AGMO: variants seen among roughly 807,000 people sequenced by gnomAD.
AGMO encodes the protein alkylglycerol monooxygenase.
AGMO carries 75 observed loss-of-function variants against 60.2 expected under a neutral mutation model. The observed-to-expected ratio is 1.25, with a 90% CI of 1.03 to 1.51. The LOEUF is 1.51. AGMO is among the 40% of genes most tolerant of loss of function. AGMO has a pLI of 0.00. For synonymous variants in AGMO, 261 were observed against 177.1 expected, an observed-to-expected ratio of 1.47 and a Z score of -3.76; for missense variants, 763 against 525.5, an observed-to-expected ratio of 1.45 and a Z score of -4.42.
intron 12 of AGMO, among the ~76,000 whole-genome samples, chr7:15,341,011 C>T (rs1781829519): frequency 6.6e-6 from 1 of 152,146 alleles, no homozygotes; most frequent in African/African-American, 2.4e-5. Flanking sequence ...AGGGGTGGAG[C>T]TGCCCAAGAC....
chr7:15,295,412 A>T (rs1784381877), intron 12 of AGMO, among the ~76,000 whole-genome samples: 1 of 152,108 alleles, frequency 6.6e-6, no homozygotes, highest in South Asian at 2.1e-4. Flanking sequence ...ACAGATTGAC[A>T]TTAAACAAGA....
At chr7:15,358,968 C>T (rs1005425597) in intron 12 of AGMO, among the ~76,000 whole-genome samples, 2 of 152,050 alleles carry the variant, frequency 1.3e-5, no homozygotes, top group African/African-American at 2.4e-5. Context: ...CTGGATGATC[C>T]TATTCAATGC....
intron 12 of AGMO, among the ~76,000 whole-genome samples, chr7:15,363,316 AT>A (rs1782836906): frequency 6.6e-6 from 1 of 152,168 alleles, no homozygotes; most frequent in African/African-American, 2.4e-5. Flanking sequence ...ATTTCAAATG[AT>A]CCTTAAGTTC....
chr7:15,387,543 A>G lies in AGMO; in HGVS notation c.823-3T>C. ...CATATGGAAAATAAGTGATGGAACT[A>G]GAAACAATAAAAAAAGAGCTTATTT... On this transcript the variant is annotated splice_polypyrimidine_tract_variant and splice_region_variant and intron_variant, in intron 8 of 12. Coordinates refer to ENST00000342526, the MANE Select transcript of AGMO (RefSeq NM_001004320.2). 2 of 1,589,798 alleles carry G rather than the reference A, an allele frequency of 1.3e-6. No individual in the cohort carries two copies. The highest frequency in any genetic ancestry group is 1.7e-6 in the Non-Finnish European group (2 of 1,174,756).
chr7:15,492,900 C>T (rs1448108427), intron 3 of AGMO, among the ~76,000 whole-genome samples: 1 of 152,132 alleles, frequency 6.6e-6, no homozygotes, highest in Non-Finnish European at 1.5e-5. Flanking sequence ...TCTCCTACAT[C>T]TTCAAGGAAG....
intron 12 of AGMO, among the ~76,000 whole-genome samples, chr7:15,285,084 T>G (rs1440832941): frequency 6.6e-6 from 1 of 151,044 alleles, no homozygotes; most frequent in South Asian, 2.1e-4. Context: ...TACCTCAAAA[T>G]AATAAAAGCC....
At chr7:15,544,288 G>A (rs963365479) in intron 3 of AGMO, among the ~76,000 whole-genome samples, 4 of 151,942 alleles carry the variant, frequency 2.6e-5, no homozygotes, top group East Asian at 1.9e-4. Flanking sequence ...CGGGTGATAG[G>A]TGCACCACAG....
intron 12 of AGMO, among the ~76,000 whole-genome samples, chr7:15,324,827 G>A (rs1781287713): frequency 6.6e-6 from 1 of 152,016 alleles, no homozygotes; most frequent in South Asian, 2.1e-4. Context: ...TGTCACCACT[G>A]ATCTGACAGG....
intron 12 of AGMO, among the ~76,000 whole-genome samples, chr7:15,229,391 GATAAA>G (rs1244975450): frequency 1.3e-5 from 2 of 151,070 alleles, no homozygotes; most frequent in South Asian, 2.1e-4. Context: ...ACAAAAATAA[GATAAA>G]ATAAAATAAA....
intron 10 of AGMO, among the ~76,000 whole-genome samples, chr7:15,373,344 A>G (rs77990396): frequency 0.092 from 13,932 of 152,092 alleles, 693 homozygotes; most frequent in Non-Finnish European, 0.12. Context: ...GATGGTTTAC[A>G]TTTGCAGCCC....
chr7:15,173,788 A>G, the AGMO span, among the ~76,000 whole-genome samples: 1 of 151,662 alleles, frequency 6.6e-6, no homozygotes, highest in African/African-American at 2.4e-5. Context: ...TTGAAAATTT[A>G]GTTTAAAGAA....
At chr7:15,295,298 T>C (rs955391474) in intron 12 of AGMO, among the ~76,000 whole-genome samples, 25 of 152,052 alleles carry the variant, frequency 1.6e-4, no homozygotes, top group African/African-American at 5.5e-4. Flanking sequence ...TATTTATTTC[T>C]TCAAAAAAAT....
intron 12 of AGMO, among the ~76,000 whole-genome samples, chr7:15,322,511 TATATAA>T (rs1781152519): frequency 1.2e-5 from 1 of 86,564 alleles, no homozygotes; most frequent in East Asian, 2.9e-4. Flanking sequence ...TATAAATATA[TATATAA>T]ATATATATAA....
chr7:15,276,673 T>C (rs1335330733), intron 12 of AGMO, among the ~76,000 whole-genome samples: 2 of 152,172 alleles, frequency 1.3e-5, no homozygotes, highest in East Asian at 3.8e-4. Context: ...GAAATGCTTA[T>C]AAGACATAGT....
intron 12 of AGMO, among the ~76,000 whole-genome samples, chr7:15,250,677 C>T (rs376272098): frequency 3.9e-4 from 59 of 152,166 alleles, no homozygotes; most frequent in African/African-American, 1.4e-3. Flanking sequence ...CCATGGCTCA[C>T]GCCTGTAATC....
chr7:15,139,635 T>C, the AGMO span, among the ~76,000 whole-genome samples: 3 of 151,938 alleles, frequency 2.0e-5, no homozygotes, highest in Non-Finnish European at 2.9e-5. Context: ...TTTTTTCTCC[T>C]GATGGCCAGG....
chr7:15,337,781 G>A (rs1781710088), intron 12 of AGMO, among the ~76,000 whole-genome samples: 1 of 152,204 alleles, frequency 6.6e-6, no homozygotes, highest in African/African-American at 2.4e-5. Context: ...AGTCTCACCA[G>A]CTGTTTCTTA....
chr7:15,412,301 G>A (rs527899381), intron 5 of AGMO, among the ~76,000 whole-genome samples: 10 of 152,102 alleles, frequency 6.6e-5, no homozygotes, highest in African/African-American at 2.4e-4. Context: ...ATAGAGTGTT[G>A]CTGAGAAGAA....
intron 3 of AGMO, among the ~76,000 whole-genome samples, chr7:15,460,104 C>CT (rs1411128903): frequency 6.5e-5 from 6 of 91,918 alleles, no homozygotes; most frequent in South Asian, 3.3e-4. Context: ...ACCCAATTTC[C>CT]CCTTTTTTTT....
Sources: gnomAD v4.1 joint callset for allele counts (sites outside exome capture counted in the v4.1 genomes callset) on GRCh38, gnomAD v4.1.1 for gene constraint, MANE v1.5 for transcripts, NCBI Gene and HGNC (gene_info 2026-07-23, HGNC 2026-07-21) for gene names.